The following SCCPDH variants were observed in gnomAD, a reference collection of about 807,000 sequenced individuals.
The protein encoded by SCCPDH is saccharopine dehydrogenase-like oxidoreductase.
A neutral mutation model predicts 51.5 loss-of-function variants in SCCPDH; 34 were observed. The ratio of observed to expected loss-of-function variants is 0.66; its 90% CI spans 0.50 to 0.88. The LOEUF (loss-of-function observed/expected upper bound fraction) is 0.88. Ranked by LOEUF, SCCPDH falls within the 40% of genes least tolerant of loss-of-function variation. The pLI is 0.00. For missense variants in SCCPDH, 464 were observed against 527.1 expected, an observed-to-expected ratio of 0.88 and a Z score of 1.17; for synonymous variants, 187 against 191.3, an observed-to-expected ratio of 0.98 and a Z score of 0.19.
In SCCPDH at chr1:246,767,578, C is replaced by T. The variant is rs1239166034; in HGVS notation, c.*278C>T. 1 of 196,400 alleles carries T rather than the reference C, an allele frequency of 5.1e-6. No individual in the cohort carries two copies. Among genetic ancestry groups the T allele is most frequent in the Non-Finnish European group, 1.0e-5 (1 of 97,014 alleles). The allele number at this position is 196,400 out of a possible 1,614,324, so 12.2% of individuals were successfully genotyped here. ...GATTTTCACGAATGAGCTGGCAGGT[C>T]TAATGGGGGAGGCGGCGTCCCAGTC... On this transcript the variant is annotated 3_prime_UTR_variant, in exon 12 of 12. Transcript: ENST00000366510.
chr1:246,759,274 C>G (rs1668978952), intron 7 of SCCPDH, 123 bp downstream of exon 7: 1 of 638,884 alleles, frequency 1.6e-6, no homozygotes, highest in African/African-American at 1.8e-5. Context: ...GTTTCAGCCT[C>G]TGGAAATACA....
At chr1:246,742,576 G>A (rs917036411) in intron 4 of SCCPDH, among the ~76,000 whole-genome samples, 2 of 152,282 alleles carry the variant, frequency 1.3e-5, no homozygotes, top group African/African-American at 2.4e-5. Flanking sequence ...TGAGTTATAC[G>A]TTAATGATCT....
intron 3 of SCCPDH, among the ~76,000 whole-genome samples, chr1:246,739,231 G>T (rs1299704370): frequency 6.6e-6 from 1 of 152,176 alleles, no homozygotes; most frequent in Non-Finnish European, 1.5e-5. Context: ...GTTCAAGTCA[G>T]CATTAACCCT....
chr1:246,729,048 A>G (rs1227964867), intron 2 of SCCPDH, among the ~76,000 whole-genome samples: 1 of 152,194 alleles, frequency 6.6e-6, no homozygotes, highest in African/African-American at 2.4e-5. Flanking sequence ...AAAACCAGCA[A>G]GTTTTTATTA....
At chr1:246,729,629 T>C (rs542341395) in intron 2 of SCCPDH, among the ~76,000 whole-genome samples, 23 of 150,836 alleles carry the variant, frequency 1.5e-4, no homozygotes, top group Non-Finnish European at 2.8e-4. Context: ...CAAAGACACA[T>C]GTTTTACAGT....
rs1476357244 is a variant in SCCPDH, at chr1:246,750,552, G to A, written c.564+6427G>A. ...CTTTCCACTCTTCCTGATGAAGGTG[G>A]GTGCCAGGGAGTATGATATTCCCAT... On this transcript the variant is annotated intron_variant, in intron 5 of 11. Transcript: ENST00000366510. Among the ~76,000 whole-genome samples, 3 of 152,102 alleles carry A rather than the reference G, an allele frequency of 2.0e-5. No individual in the cohort carries two copies. The South Asian group carries it at 6.2e-4, about 32-fold the overall frequency.
chr1:246,747,035 A>G (rs915915611), intron 5 of SCCPDH, among the ~76,000 whole-genome samples: 1 of 152,368 alleles, frequency 6.6e-6, no homozygotes, highest in Non-Finnish European at 1.5e-5. Context: ...GCTTAAACCA[A>G]CAAAACAAAA....
intron 9 of SCCPDH, among the ~76,000 whole-genome samples, chr1:246,763,148 A>G (rs909335813): frequency 1.3e-5 from 2 of 152,056 alleles, no homozygotes; most frequent in Admixed American, 6.6e-5. Flanking sequence ...TTTGGTACCC[A>G]CCCCTGGAGC....
rs535741533 is a variant in SCCPDH at position 246,748,881 on chromosome 1, C to T, written c.564+4756C>T. Among the ~76,000 whole-genome samples, 168 of 152,282 alleles carry T rather than the reference C, an allele frequency of 1.1e-3. 1 individual carries two copies. The Middle Eastern group carries it at 0.017, about 15-fold the overall frequency. On this transcript the variant is annotated intron_variant, in intron 5 of 11. Coordinates refer to ENST00000366510, the MANE Select transcript of SCCPDH (RefSeq NM_016002.3). ...TGCAGAATACCCAGCAATAGTCCCC[C>T]GCAATACCACCACGCACCTGCTCGA... is the stretch of plus-strand genomic sequence containing the variant.
At chr1:246,725,689 T>C (rs1386728047) in intron 1 of SCCPDH, among the ~76,000 whole-genome samples, 2 of 152,188 alleles carry the variant, frequency 1.3e-5, no homozygotes, top group African/African-American at 4.8e-5. Flanking sequence ...AGCTTTTTGG[T>C]CGTTATTTTT....
Position 246,767,674 on chromosome 1 carries a change from C to T in SCCPDH, c.*374C>T, listed in dbSNP as rs1669108871. Reference sequence around the variant, plus strand: ...CTGTCGGGCAGTAACTGCCGCTTGCCTTGCCGCAGTAGGAGGGAAATCTCA... The same window carrying T: ...CTGTCGGGCAGTAACTGCCGCTTGCTTTGCCGCAGTAGGAGGGAAATCTCA... On this transcript the variant is annotated 3_prime_UTR_variant, in exon 12 of 12. Transcript: ENST00000366510. 1.3e-5 allele frequency: 2 copies of T among 154,716 alleles called. No individual in the cohort carries two copies. Among genetic ancestry groups the T allele is most frequent in the African/African-American group, 4.8e-5 (2 of 41,556 alleles). The allele number at this position is 154,716 out of a possible 1,614,324, so 9.6% of individuals were successfully genotyped here. A position where few individuals can be genotyped will look rare whatever the true frequency, so the allele number is the denominator to read the frequency against.
intron 5 of SCCPDH, among the ~76,000 whole-genome samples, chr1:246,745,778 C>T (rs796101130): frequency 1.3e-5 from 2 of 152,080 alleles, no homozygotes; most frequent in African/African-American, 4.8e-5. Flanking sequence ...TGTAGTAGGA[C>T]AAGCCACAGA....
At chr1:246,739,729 A>G (rs1270493611) in intron 3 of SCCPDH, among the ~76,000 whole-genome samples, 1 of 152,178 alleles carries the variant, frequency 6.6e-6, no homozygotes, top group East Asian at 1.9e-4. Flanking sequence ...ATTTCTAAAA[A>G]CAGGCAGAAG....
chr1:246,752,939 CT>C (rs1322635562), intron 5 of SCCPDH, among the ~76,000 whole-genome samples: 1 of 152,072 alleles, frequency 6.6e-6, no homozygotes, highest in Non-Finnish European at 1.5e-5. Flanking sequence ...GTTTTGTCCT[CT>C]TTCTCTCCCT....
In SCCPDH at chr1:246,735,990, G is replaced by A. The variant is rs1668583430; in HGVS notation, c.319G>A (p.Glu107Lys). The change falls in exon 3 of 12, where the codon GAA (glutamate) becomes AAA (lysine). Residue 107 changes from glutamate to lysine, a missense_variant. Transcript: ENST00000366510. The part of the protein sequence containing the change: ...NCVGPYRFYG[E>K]PVIKACIENG... ...GTTTCCCTAGTATCGGTTTTATGGAGAACCTGTAATAAAAGCATGTATTGA... is the reference window on the plus strand; with the variant it reads ...GTTTCCCTAGTATCGGTTTTATGGAAAACCTGTAATAAAAGCATGTATTGA... 1 of 1,610,794 alleles carries A rather than the reference G, an allele frequency of 6.2e-7. No individual in the cohort carries two copies. Among genetic ancestry groups the A allele is most frequent in the Non-Finnish European group, 8.5e-7 (1 of 1,177,266 alleles).
chr1:246,731,444 T>C (rs886279122), intron 2 of SCCPDH, among the ~76,000 whole-genome samples: 1 of 152,240 alleles, frequency 6.6e-6, no homozygotes, highest in South Asian at 2.1e-4. Flanking sequence ...GCCTAGCTGA[T>C]GGGCTCACTA....
At chr1:246,746,523 G>A (rs1668763884) in intron 5 of SCCPDH, among the ~76,000 whole-genome samples, 1 of 152,134 alleles carries the variant, frequency 6.6e-6, no homozygotes, top group African/African-American at 2.4e-5. Flanking sequence ...GACAATATTA[G>A]GGGTGGTCTC....
chr1:246,735,784 G>T (rs139256435), intron 2 of SCCPDH, among the ~76,000 whole-genome samples, 191 bp from the exon 3 acceptor site: 1 of 152,004 alleles, frequency 6.6e-6, no homozygotes, highest in African/African-American at 2.4e-5. Context: ...TACCTGCCTC[G>T]GCCTCCCAAA....
chr1:246,754,678 A>G (rs1189899809), intron 5 of SCCPDH, among the ~76,000 whole-genome samples: 1 of 152,196 alleles, frequency 6.6e-6, no homozygotes, highest in African/African-American at 2.4e-5. Context: ...GAGGGTCGTG[A>G]TCCACTGAGC....
Sources: gnomAD v4.1 joint callset for allele counts (sites outside exome capture counted in the v4.1 genomes callset) on GRCh38, gnomAD v4.1.1 for gene constraint, MANE v1.5 for transcripts, NCBI Gene and HGNC (gene_info 2026-07-23, HGNC 2026-07-21) for gene names.